DCT: variants seen among roughly 807,000 people sequenced by gnomAD.
DCT encodes L-dopachrome tautomerase.
DCT carries 47 observed loss-of-function variants against 53.0 expected under a neutral mutation model. That is an observed-to-expected ratio of 0.89 (90% CI 0.70 to 1.13). DCT has a LOEUF of 1.13. Ranked by LOEUF, DCT falls within the 50% of genes most tolerant of loss-of-function variation. The pLI, the probability that DCT is intolerant of heterozygous loss-of-function variation, is 0.00. For missense variants in DCT, 669 were observed against 637.4 expected, an observed-to-expected ratio of 1.05 and a Z score of -0.53; for synonymous variants, 244 against 237.0, an observed-to-expected ratio of 1.03 and a Z score of -0.27.
chr13:94,546,738 A>G, the DCT span, among the ~76,000 whole-genome samples: 3 of 152,120 alleles, frequency 2.0e-5, no homozygotes. This position sits in a 1 kb window ranked among gnomAD's most constrained non-coding sequence, Gnocchi z 4.2. Context: ...AAAAAACCTG[A>G]AACTGGTCAT....
At chr13:94,544,134 T>C in the DCT span, among the ~76,000 whole-genome samples, 1 of 152,230 alleles carries the variant, frequency 6.6e-6, no homozygotes, top group African/African-American at 2.4e-5. Context: ...TTTTAGTACA[T>C]CTCAGAATTA....
chr13:94,509,419 C>T, the DCT span, among the ~76,000 whole-genome samples: 3 of 151,576 alleles, frequency 2.0e-5, no homozygotes, highest in Admixed American at 6.6e-5. Context: ...CACACCATCA[C>T]CCCCTCCCCA....
At chr13:94,493,833 T>C in the DCT span, among the ~76,000 whole-genome samples, 6 of 152,306 alleles carry the variant, frequency 3.9e-5, no homozygotes, top group Non-Finnish European at 7.4e-5. Context: ...CATGTCATTA[T>C]ACATTTGTCA....
At chr13:94,497,541 A>G in the DCT span, among the ~76,000 whole-genome samples, 1 of 152,230 alleles carries the variant, frequency 6.6e-6, no homozygotes, top group Non-Finnish European at 1.5e-5. Context: ...CACATATTTT[A>G]TATGTATTAG....
rs570464725 is a variant in DCT, at chr13:94,463,526, G to C, written c.864-1337C>G. ...GCTGGTCTCGAACTCCTGACCTCAG[G>C]TGATCCACCTGTCTCGGCCTCCCAA... On this transcript the variant is annotated intron_variant, in intron 4 of 7. Transcript: ENST00000377028. 7.2e-5 allele frequency among the ~76,000 whole-genome samples: 11 copies of C among 151,986 alleles called. No individual in the cohort carries two copies. The East Asian group carries it at 2.1e-3, about 29-fold the overall frequency.
At chr13:94,495,050 C>T in the DCT span, among the ~76,000 whole-genome samples, 1 of 152,160 alleles carries the variant, frequency 6.6e-6, no homozygotes, top group Admixed American at 6.5e-5. Flanking sequence ...ATGATATTTT[C>T]CATGAGTTAA....
At chr13:94,499,459 AGAGT>A in the DCT span, among the ~76,000 whole-genome samples, 1 of 103,628 alleles carries the variant, frequency 9.6e-6, no homozygotes, top group East Asian at 2.2e-4. Context: ...AGTGTGCATG[AGAGT>A]GAGTGTGTGT....
chr13:94,473,023 C>G (rs1021251398), intron 1 of DCT, among the ~76,000 whole-genome samples: 2 of 152,152 alleles, frequency 1.3e-5, no homozygotes, highest in Admixed American at 1.3e-4. Context: ...TTCCCCCTCT[C>G]TGTATCTGAA....
chr13:94,529,670 T>G, the DCT span, among the ~76,000 whole-genome samples: 34 of 152,288 alleles, frequency 2.2e-4, no homozygotes, highest in African/African-American at 7.2e-4. Context: ...TAGCACTAAA[T>G]GCCCACAAGA....
the DCT span, among the ~76,000 whole-genome samples, chr13:94,505,651 T>C: frequency 6.6e-6 from 1 of 152,306 alleles, no homozygotes; most frequent in East Asian, 1.9e-4. Flanking sequence ...AGAGTGAGTA[T>C]GGCACAAAAG....
chr13:94,445,693 GT>G, intron 6 of DCT: 1 of 1,525,134 alleles, frequency 6.6e-7, no homozygotes, highest in Non-Finnish European at 9.0e-7. Context: ...AAAAACCTGA[GT>G]AGAGCCTCCC....
In DCT at chr13:94,438,539, A is replaced by G. The variant is rs1882055362; in HGVS notation, c.*1359T>C. 2.2e-6 allele frequency: 1 copy of G among 454,070 alleles called. No individual in the cohort carries two copies. Among genetic ancestry groups the G allele is most frequent in the Non-Finnish European group, 4.4e-6 (1 of 226,118 alleles). 28.1% of individuals were successfully genotyped at this position (454,070 alleles called of 1,614,324 possible). A position where few individuals can be genotyped will look rare whatever the true frequency, so the allele number is the denominator to read the frequency against. ...CTCTTAACACCCATTCTTTACATTCATTCATTCCAGTAGAGAGGGGCCTCG... is the reference window on the plus strand; with the variant it reads ...CTCTTAACACCCATTCTTTACATTCGTTCATTCCAGTAGAGAGGGGCCTCG... On this transcript the variant is annotated 3_prime_UTR_variant, in exon 8 of 8. Transcript: ENST00000377028.
At chr13:94,491,420 T>C in the DCT span, among the ~76,000 whole-genome samples, 3 of 152,154 alleles carry the variant, frequency 2.0e-5, no homozygotes, top group African/African-American at 7.2e-5. Flanking sequence ...CCCATCCTAC[T>C]CCAGTATGAC....
At chr13:94,542,215 G>T in the DCT span, among the ~76,000 whole-genome samples, 1 of 152,026 alleles carries the variant, frequency 6.6e-6, no homozygotes, top group South Asian at 2.1e-4. Context: ...TTGAGACAGG[G>T]TCTCACTCTG....
At chr13:94,486,541 C>A in the DCT span, among the ~76,000 whole-genome samples, 1 of 152,128 alleles carries the variant, frequency 6.6e-6, no homozygotes, top group Non-Finnish European at 1.5e-5. Context: ...GGAAAAACAT[C>A]CTGTGAAACT....
chr13:94,507,488 T>C, the DCT span, among the ~76,000 whole-genome samples: 2 of 150,284 alleles, frequency 1.3e-5, no homozygotes, highest in South Asian at 2.1e-4. Context: ...GGAGTTTGCA[T>C]TTCTGGTATA....
chr13:94,441,582 A>G (rs1313093748), intron 7 of DCT, among the ~76,000 whole-genome samples: 3 of 152,188 alleles, frequency 2.0e-5, no homozygotes, highest in Middle Eastern at 3.2e-3. Flanking sequence ...CTCATAGTCT[A>G]AGTGGAGTCA....
rs1294745223 is a variant in DCT at position 94,437,852 on chromosome 13, A to C, written c.*2046T>G. On this transcript the variant is annotated 3_prime_UTR_variant, in exon 8 of 8. Coordinates refer to ENST00000377028, the MANE Select transcript of DCT (RefSeq NM_001922.5). The stretch of plus-strand genomic sequence containing the variant: ...TCTCAGGAAGACATTATAAAACATA[A>C]TAGTTATAAAAAGTCACCCACACTA... 6.6e-6 allele frequency: 1 copy of C among 152,192 alleles called. No individual in the cohort carries two copies. The highest frequency in any genetic ancestry group is 1.5e-5 in the Non-Finnish European group (1 of 68,032). 9.4% of individuals were successfully genotyped at this position (152,192 alleles called of 1,614,324 possible).
the DCT span, among the ~76,000 whole-genome samples, chr13:94,509,618 A>G: frequency 2.6e-5 from 4 of 152,156 alleles, no homozygotes; most frequent in Admixed American, 1.3e-4. Context: ...AGATTTTAGG[A>G]GTGTTATCTC....
Sources: gnomAD v4.1 joint callset for allele counts (sites outside exome capture counted in the v4.1 genomes callset) on GRCh38, gnomAD v4.1.1 for gene constraint, Gnocchi (gnomAD v3.1) non-coding constraint, MANE v1.5 for transcripts, NCBI Gene and HGNC (gene_info 2026-07-23, HGNC 2026-07-21) for gene names.